The following GBP3 variants were observed in gnomAD, a reference collection of about 807,000 sequenced individuals.
The protein encoded by GBP3 is guanylate binding protein 3, also known as guanylate-binding protein 3.
A neutral mutation model predicts 62.4 loss-of-function variants in GBP3; 55 were observed. That is an observed-to-expected ratio of 0.88 (90% CI 0.71 to 1.10). The LOEUF is 1.10. Among genes scored for constraint, GBP3 ranks in the 50% least tolerant of loss-of-function variants. The pLI is 0.00. For synonymous variants in GBP3, 208 were observed against 259.2 expected (o/e 0.80, Z 1.90); for missense variants, 605 against 690.6 (o/e 0.88, Z 1.39).
chr1:89,013,309 A>G lies in GBP3; in HGVS notation c.744T>C (p.Leu248=), dbSNP rs368895425. The G allele has an allele frequency of 6.2e-7, 1 of 1,614,192 alleles. No homozygotes were observed. Among genetic ancestry groups the G allele is most frequent in the Non-Finnish European group, 8.5e-7 (1 of 1,180,018 alleles). ...CCAGCTCTTCATCTTGTAGTTTCTC[A>G]AGCTGGGCAAGCTTCCTGCGGTGAA... ...LPIHRRKLAQ[L]EKLQDEELDP... Residue 248 remains leucine (L), a synonymous_variant, in exon 6 of 11, where the codon CTT becomes CTC. Coordinates refer to ENST00000370481, the MANE Select transcript of GBP3 (RefSeq NM_018284.3).
chr1:89,022,239 C>T (rs1291557680), intron 1 of GBP3, among the ~76,000 whole-genome samples: 1 of 152,168 alleles, frequency 6.6e-6, no homozygotes, highest in African/African-American at 2.4e-5. Flanking sequence ...TAGTACTCTG[C>T]ATTACCTTTG....
rs766160833 is a variant in GBP3, at chr1:89,011,072, T to C, written c.1194A>G (p.Gln398=). 8 of 1,462,062 alleles carry C rather than the reference T, an allele frequency of 5.5e-6. 1 individual carries two copies. The East Asian group carries it at 9.2e-5, about 17-fold the overall frequency. The allele number at this position is 1,462,062 out of a possible 1,614,324, so 90.6% of individuals were successfully genotyped here. A position where few individuals can be genotyped will look rare whatever the true frequency, so the allele number is the denominator to read the frequency against. The change falls in exon 8 of 11, where the codon CAA becomes CAG. Residue 398 remains glutamine (Q), a synonymous_variant. Coordinates refer to ENST00000370481, the MANE Select transcript of GBP3 (RefSeq NM_018284.3). ...CTGAGCAACGATCTGATGATGCTTC[T>C]TGATTCTGTTTACAAAAGTCATCCC... is the stretch of plus-strand genomic sequence containing the variant. ...KKRDDFCKQN[Q]EASSDRCSAL...
rs779543149 is a variant in GBP3 at position 89,015,286 on chromosome 1, C to T, written c.318+1G>A. The stretch of plus-strand genomic sequence containing the variant: ...TTCAAAATTGAATCTTTGACCCTTA[C>T]CTTCTTTACATCTCCCAGGCCCTCA... On this transcript the variant is annotated splice_donor_variant, in intron 3 of 10. Transcript: ENST00000370481. LOFTEE classifies it high-confidence loss of function. 1 of 1,600,386 alleles carries T rather than the reference C, an allele frequency of 6.2e-7. No homozygotes were observed. Among genetic ancestry groups the T allele is most frequent in the South Asian group, 1.1e-5 (1 of 87,576 alleles).
chr1:89,010,773 T>C, intron 8 of GBP3, 131 bp downstream of exon 8: 1 of 1,201,146 alleles, frequency 8.3e-7, no homozygotes, highest in African/African-American at 1.4e-5. Flanking sequence ...TCCCTGCATA[T>C]GTTATTGAAT....
intron 5 of GBP3, 137 bp downstream of exon 5, chr1:89,013,946 G>T: frequency 1.1e-6 from 1 of 907,746 alleles, no homozygotes; most frequent in Non-Finnish European, 1.7e-6. Context: ...ATTGCTAATA[G>T]CAAGCATTAA....
rs1355352291 is a variant in GBP3, at chr1:89,013,243, G to T, written c.810C>A (p.Tyr270Ter). 6.2e-7 allele frequency: 1 copy of T among 1,614,058 alleles called. No homozygotes were observed. The highest frequency in any genetic ancestry group is 1.7e-5 in the Admixed American group (1 of 60,000). Residue 270 changes from tyrosine (Y) to a stop codon, truncating the protein, a stop_gained, in exon 6 of 11, where the codon TAC becomes TAA. Transcript: ENST00000370481. LOFTEE classifies it high-confidence loss of function. ...FVQQVADFCSYIFSNSKTKTL... is the reference protein window; with the variant it reads ...FVQQVADFCS ...TTTTAGTTTTGGAATTGCTAAAGAT[G>T]TAGGAACAGAAGTCTGCTACTTGTT...
chr1:89,019,077 T>C (rs1679039651), intron 2 of GBP3, among the ~76,000 whole-genome samples: 1 of 152,174 alleles, frequency 6.6e-6, no homozygotes, highest in South Asian at 2.1e-4. Flanking sequence ...AAATTTAACA[T>C]GGAATGACTA....
intron 1 of GBP3, among the ~76,000 whole-genome samples, chr1:89,021,510 G>GCGCGCGCGCGCGCGCA (rs751639388): frequency 2.3e-5 from 3 of 131,668 alleles, no homozygotes; most frequent in African/African-American, 9.0e-5. Context: ...GCGCGCGCGC[G>GCGCGCGCGCGCGCGCA]CACACACACA....
chr1:89,009,629 T>C, intron 8 of GBP3, 135 bp from the exon 9 acceptor site: 1 of 1,254,828 alleles, frequency 8.0e-7, no homozygotes, highest in Non-Finnish European at 1.1e-6. Flanking sequence ...AGATTCCCTA[T>C]CACAGGGCCA....
At position 89,015,348 on chromosome 1, in the gene GBP3, G is replaced by T. The variant is rs774702400; in HGVS notation, c.257C>A (p.Pro86His). Reference protein sequence around the residue: ...KGIWMWCVPHPKKPEHTLVLL... With the variant: ...KGIWMWCVPHHKKPEHTLVLL... ...GACTAAGGTGTGTTCTGGCTTTTTG[G>T]GGTGAGGCACACACCACATCCAGAT... Residue 86 changes from proline (P) to histidine (H), a missense_variant, in exon 3 of 11, where the codon CCC becomes CAC. Pro to His is a moderately conservative substitution (Grantham distance 77). This residue lies in a region of GBP3 where 308 missense variants were observed against 318.0 expected (regional missense o/e 0.97). Transcript: ENST00000370481. 1 of 1,613,366 alleles carries T rather than the reference G, an allele frequency of 6.2e-7. No individual in the cohort carries two copies.
intron 2 of GBP3, chr1:89,020,154 GC>G (rs774637656): frequency 5.0e-6 from 2 of 398,942 alleles, no homozygotes; most frequent in South Asian, 1.9e-5. Context: ...TGAGAGGATT[GC>G]TTGAGCCCAG....
Position 89,020,606 on chromosome 1 carries a change from A to G in GBP3, c.116T>C (p.Val39Ala). The G allele has an allele frequency of 6.2e-7, 1 of 1,614,172 alleles. No homozygotes were observed. Among genetic ancestry groups the G allele is most frequent in the Admixed American group, 1.7e-5 (1 of 60,014 alleles). ...GTAGAGGCCCACAATTGCCACCACC[A>G]CCACAGGCTGTGTAATGGCAGACAG... ...KILSAITQPV[V>A]VVAIVGLYRT... is the part of the protein sequence containing the mutation. The change falls in exon 2 of 11, where the codon GTG (valine) becomes GCG (alanine). Residue 39 changes from valine to alanine, a missense_variant. By Grantham distance (64) the Val-to-Ala change is moderately conservative (BLOSUM62 0). This residue lies in a region of GBP3 where 308 missense variants were observed against 318.0 expected (regional missense o/e 0.97). Coordinates refer to ENST00000370481, the MANE Select transcript of GBP3 (RefSeq NM_018284.3).
At chr1:89,020,370 G>A in intron 2 of GBP3, 162 bp downstream of exon 2, 1 of 767,674 alleles carries the variant, frequency 1.3e-6, no homozygotes, top group South Asian at 1.6e-5. Flanking sequence ...ACAGCTGTGA[G>A]CTGATGCTTA....
chr1:89,013,998 G>T (rs1678732395), intron 5 of GBP3, 85 bp downstream of exon 5: 2 of 1,378,892 alleles, frequency 1.5e-6, no homozygotes, highest in Non-Finnish European at 2.0e-6. Context: ...AACTGTAAAT[G>T]TGAGAAAACT....
intron 1 of GBP3, among the ~76,000 whole-genome samples, chr1:89,021,544 A>ACACACACACCCCCCCCCC (rs761151308): frequency 7.1e-6 from 1 of 141,052 alleles, no homozygotes; most frequent in African/African-American, 2.5e-5. Flanking sequence ...ACACACACAC[A>ACACACACACCCCCCCCCC]CCCCAAAAAA....
intron 2 of GBP3, among the ~76,000 whole-genome samples, chr1:89,016,617 G>T (rs1678903569): frequency 3.9e-5 from 6 of 152,088 alleles, no homozygotes. Context: ...GAGTCTCACG[G>T]TGTCATCCAG....
At position 89,014,215 on chromosome 1, in the gene GBP3, C is replaced by CCTCATT; in HGVS notation, c.487_492dup (p.Asn163_Glu164dup). ...AAGAAGCTCACAAAGTCAGCTGAAT[C>CCTCATT]CTCATTCTCATTCTCATCAGGTGAG... is the stretch of plus-strand genomic sequence containing the variant. On this transcript the variant is annotated inframe_insertion, in exon 5 of 11. Transcript: ENST00000370481. 2 of 1,614,198 alleles carry CCTCATT rather than the reference C, an allele frequency of 1.2e-6. No homozygotes were observed. The highest frequency in any genetic ancestry group is 1.7e-6 in the Non-Finnish European group (2 of 1,180,036).
chr1:89,009,360 AGGAT>A, intron 9 of GBP3, 28 bp downstream of exon 9: 1 of 1,599,472 alleles, frequency 6.3e-7, no homozygotes, highest in Admixed American at 1.7e-5. Context: ...GAAAAGCTTT[AGGAT>A]AATCTGATCC....
chr1:89,015,587 A>G (rs1410393302), intron 2 of GBP3, among the ~76,000 whole-genome samples, 173 bp from the exon 3 acceptor site: 1 of 152,102 alleles, frequency 6.6e-6, no homozygotes, highest in African/African-American at 2.4e-5. Flanking sequence ...CAGTACATAA[A>G]TGGATTCAGG....
Sources: allele counts gnomAD v4.1 joint callset (sites outside exome capture counted in the v4.1 genomes callset), GRCh38; gene constraint gnomAD v4.1.1; regional missense constraint gnomAD v4.1.1; transcripts MANE v1.5; gene names NCBI Gene and HGNC (gene_info 2026-07-23, HGNC 2026-07-21).